Variants in SYT1 observed in about 807,000 individuals in gnomAD.
SYT1 encodes synaptotagmin-1.
A neutral mutation model predicts 44.8 loss-of-function variants in SYT1; 8 were observed. That is an observed-to-expected ratio of 0.18 (90% CI 0.10 to 0.32). SYT1 has a LOEUF of 0.32. Ranked by LOEUF, SYT1 falls within the 10% of genes least tolerant of loss-of-function variation. The pLI is 1.00. For missense variants in SYT1, 286 were observed against 509.3 expected (o/e 0.56, Z 4.22); for synonymous variants, 154 against 188.8 (o/e 0.82, Z 1.51).
chr12:78,916,558 T>C (rs1289088426), intron 1 of SYT1, among the ~76,000 whole-genome samples: 2 of 152,010 alleles, frequency 1.3e-5, no homozygotes, highest in East Asian at 1.9e-4. Flanking sequence ...TACTTATTGA[T>C]CTGTTCGCTT....
At chr12:78,864,218 G>A (rs925489941), upstream of SYT1, 13 of 152,284 alleles carry the variant, frequency 8.5e-5, no homozygotes, top group African/African-American at 3.1e-4. Flanking sequence ...AATGGCCAAA[G>A]ACAAACTTCT....
intron 2 of SYT1, among the ~76,000 whole-genome samples, chr12:79,003,058 G>T (rs1040638743): frequency 6.6e-6 from 1 of 151,964 alleles, no homozygotes; most frequent in African/African-American, 2.4e-5. Context: ...TTTAAGAAAA[G>T]AATTCAATGA....
intron 3 of SYT1, among the ~76,000 whole-genome samples, chr12:79,071,464 C>CTATAGTAGTGTT (rs1876272366): frequency 6.6e-6 from 1 of 152,144 alleles, no homozygotes; most frequent in Non-Finnish European, 1.5e-5. Context: ...ATAAACACTA[C>CTATAGTAGTGTT]TATAGATCAG....
chr12:79,130,991 T>C (rs865831075), intron 3 of SYT1, among the ~76,000 whole-genome samples: 17 of 152,124 alleles, frequency 1.1e-4, no homozygotes, highest in Middle Eastern at 3.2e-3. Flanking sequence ...TAAATTGTAA[T>C]CCCACTGCAT....
At chr12:79,400,205 A>G (rs559867871) in intron 9 of SYT1, among the ~76,000 whole-genome samples, 52 of 152,288 alleles carry the variant, frequency 3.4e-4, no homozygotes, top group Non-Finnish European at 5.9e-4. Flanking sequence ...TTATGGACAT[A>G]GTATAAACTA....
intron 9 of SYT1, among the ~76,000 whole-genome samples, chr12:79,389,896 G>A (rs932488850): frequency 2.0e-5 from 3 of 151,940 alleles, no homozygotes; most frequent in South Asian, 4.2e-4. Flanking sequence ...TAAGAACAAA[G>A]GAATAGTCAC....
At chr12:79,041,946 G>A (rs1485011430) in intron 2 of SYT1, among the ~76,000 whole-genome samples, 1 of 152,026 alleles carries the variant, frequency 6.6e-6, no homozygotes, top group Non-Finnish European at 1.5e-5. Context: ...TGCATATATT[G>A]AACCAGCCTT....
intron 1 of SYT1, among the ~76,000 whole-genome samples, chr12:78,870,024 C>G (rs567764187): frequency 3.2e-4 from 48 of 152,164 alleles, no homozygotes; most frequent in African/African-American, 1.2e-3. Context: ...ATAAAACACG[C>G]CTTCTATTTC....
At chr12:78,938,773 C>G (rs1031520344) in intron 1 of SYT1, among the ~76,000 whole-genome samples, 2 of 152,196 alleles carry the variant, frequency 1.3e-5, no homozygotes, top group Non-Finnish European at 2.9e-5. Flanking sequence ...GGAAGTATAA[C>G]TCTGTACAGT....
intron 1 of SYT1, among the ~76,000 whole-genome samples, chr12:78,945,736 A>C (rs769065726): frequency 3.9e-5 from 6 of 152,072 alleles, no homozygotes; most frequent in Non-Finnish European, 7.4e-5. Context: ...TATTAATGGG[A>C]AGTCACTTCC....
intron 9 of SYT1, chr12:79,392,798 C>CTTTTTTTTTTTTTTTTTT (rs755888075): frequency 3.0e-5 from 3 of 98,914 alleles, no homozygotes; most frequent in Admixed American, 1.1e-4. Flanking sequence ...ATTTTTCTTT[C>CTTTTTTTTTTTTTTTTTT]TTTTTTTTTT....
chr12:78,978,024 G>T (rs576298255), intron 2 of SYT1, 93 bp downstream of exon 2: 1 of 152,218 alleles, frequency 6.6e-6, no homozygotes, highest in East Asian at 1.9e-4. Context: ...CGGGGCCGGC[G>T]GAGGGAAGGG....
At chr12:79,076,481 C>T (rs1565794850) in intron 3 of SYT1, among the ~76,000 whole-genome samples, 1 of 152,104 alleles carries the variant, frequency 6.6e-6, no homozygotes, top group Non-Finnish European at 1.5e-5. Flanking sequence ...TACTTTCTAT[C>T]CATTCTTTAC....
intron 1 of SYT1, among the ~76,000 whole-genome samples, chr12:78,916,718 T>C (rs556924872): frequency 6.6e-6 from 1 of 152,132 alleles, no homozygotes; most frequent in Non-Finnish European, 1.5e-5. Flanking sequence ...AGTCTCCGTG[T>C]TTAATATTTA....
chr12:79,396,710 T>C (rs1449139126), intron 9 of SYT1, among the ~76,000 whole-genome samples: 1 of 152,212 alleles, frequency 6.6e-6, no homozygotes, highest in African/African-American at 2.4e-5. Context: ...GATTGAAGGA[T>C]GATATTTTTC....
In SYT1 at chr12:79,251,926, T is replaced by TG. The variant is rs397762168; in HGVS notation, c.167-33861_167-33860insG. Among the ~76,000 whole-genome samples the TG allele has an allele frequency of 1.1e-4, 17 of 151,906 alleles. No homozygotes were observed. In the South Asian group the frequency reaches 3.3e-3, roughly 30 times the overall value. ...CTCCTAATGGAGTTTTATTTTTTTT[T>TG]CCAATAACAGTGTTATGGTAGTTGA... On this transcript the variant is annotated intron_variant, in intron 4 of 10. Coordinates refer to ENST00000261205, the MANE Select transcript of SYT1 (RefSeq NM_005639.3).
At chr12:79,224,150 A>G (rs563643993) in intron 4 of SYT1, among the ~76,000 whole-genome samples, 9 of 152,308 alleles carry the variant, frequency 5.9e-5, no homozygotes, top group East Asian at 3.9e-4. Context: ...CTACTCCTCC[A>G]TCTTACTCTG....
rs1323537175 is a variant in SYT1, at chr12:79,063,861, A to C, written c.-18+16499A>C. Reference sequence around the variant, plus strand: ...CCTTCCAAAAAGTATCATTTCTTTCAAATATCAGAGCTTTGACCCAGGAGT... The same window carrying C: ...CCTTCCAAAAAGTATCATTTCTTTCCAATATCAGAGCTTTGACCCAGGAGT... On this transcript the variant is annotated intron_variant, in intron 3 of 10. Transcript: ENST00000261205. 2.0e-5 allele frequency among the ~76,000 whole-genome samples: 3 copies of C among 152,168 alleles called. No homozygotes were observed. In the East Asian group the frequency reaches 5.8e-4, roughly 29 times the overall value.
At chr12:79,191,991 A>G (rs2138453492) in intron 3 of SYT1, among the ~76,000 whole-genome samples, 1 of 152,296 alleles carries the variant, frequency 6.6e-6, no homozygotes, top group East Asian at 1.9e-4. Context: ...AGGGGAAAAC[A>G]ATGGTACTTT....
Sources: allele counts gnomAD v4.1 joint callset (sites outside exome capture counted in the v4.1 genomes callset), GRCh38; gene constraint gnomAD v4.1.1; transcripts MANE v1.5; gene names NCBI Gene and HGNC (gene_info 2026-07-23, HGNC 2026-07-21).